Variants in UGT1A4 observed in about 807,000 individuals in gnomAD.
UGT1A4 encodes UDP glucuronosyltransferase family 1 member A4.
A neutral mutation model predicts 41.1 loss-of-function variants in UGT1A4; 32 were observed. The observed-to-expected ratio is 0.78, with a 90% confidence interval of 0.59 to 1.05. The LOEUF (loss-of-function observed/expected upper bound fraction) is 1.05. UGT1A4 is among the 50% of genes least tolerant of loss of function. The pLI, the probability that UGT1A4 is intolerant of heterozygous loss-of-function variation, is 0.00. For missense variants in UGT1A4, 748 were observed against 677.4 expected (o/e 1.10, Z -1.16); for synonymous variants, 283 against 265.1 (o/e 1.07, Z -0.66).
At position 233,747,626 on chromosome 2, in the gene UGT1A4, C is replaced by G. The variant is rs546895525; in HGVS notation, c.868-19408C>G. 8.9e-6 allele frequency: 14 copies of G among 1,577,506 alleles called. No homozygotes were observed. The African/African-American group carries it at 1.8e-4, about 20-fold the overall frequency. ...AGCTACTGCATAATGAGGCCCTGAT[C>G]AGGCACCTGAATGCTACTTCCTTCG... On this transcript the variant is annotated intron_variant, in intron 1 of 4. Coordinates refer to ENST00000373409, the MANE Select transcript of UGT1A4 (RefSeq NM_007120.3).
At chr2:233,765,664 CA>C (rs970582402) in intron 1 of UGT1A4, among the ~76,000 whole-genome samples, 2 of 151,540 alleles carry the variant, frequency 1.3e-5, no homozygotes, top group African/African-American at 4.9e-5. Context: ...AGCAAACCAC[CA>C]TGGCATATGT....
At chr2:233,725,447 T>A (rs2077449709) in intron 1 of UGT1A4, among the ~76,000 whole-genome samples, 1 of 152,002 alleles carries the variant, frequency 6.6e-6, no homozygotes, top group Admixed American at 6.5e-5. Context: ...GCCACATACA[T>A]AATTTAAACT....
chr2:233,741,996 A>ATACACT (rs904144807), intron 1 of UGT1A4: 1 of 151,922 alleles, frequency 6.6e-6, no homozygotes, highest in African/African-American at 2.4e-5. Flanking sequence ...AATATTACAG[A>ATACACT]TACACTTGGC....
chr2:233,757,265 C>T (rs1416331195), intron 1 of UGT1A4, among the ~76,000 whole-genome samples: 2 of 116,902 alleles, frequency 1.7e-5, no homozygotes, highest in Non-Finnish European at 3.3e-5. Flanking sequence ...AGGTGGCAGC[C>T]GATGCAATGA....
At chr2:233,724,171 C>T (rs1472955249) in intron 1 of UGT1A4, among the ~76,000 whole-genome samples, 39 of 91,410 alleles carry the variant, frequency 4.3e-4, no homozygotes, top group South Asian at 7.8e-4. Context: ...CTGACCCCCC[C>T]ATCTCCCTCC....
chr2:233,761,695 G>T (rs1292253541), intron 1 of UGT1A4, among the ~76,000 whole-genome samples: 1 of 152,240 alleles, frequency 6.6e-6, no homozygotes, highest in East Asian at 1.9e-4. Flanking sequence ...ATACAGAAAG[G>T]TTGTAGGTTT....
Position 233,719,240 on chromosome 2 carries a change from C to A in UGT1A4, c.420C>A (p.His140Gln). The change falls in exon 1 of 5, where the codon CAC becomes CAA. Residue 140 changes from histidine (H) to glutamine (Q), a missense_variant. Transcript: ENST00000373409. ...TGCATAATGAGGCCCTGATCAGGCACCTGAATGCTACTTCCTTTGATGTGG... is the reference window on the plus strand; with the variant it reads ...TGCATAATGAGGCCCTGATCAGGCAACTGAATGCTACTTCCTTTGATGTGG... ...ELLHNEALIR[H>Q]LNATSFDVVL... 8 of 1,614,156 alleles carry A rather than the reference C, an allele frequency of 5.0e-6. No individual in the cohort carries two copies. The highest frequency in any genetic ancestry group is 1.3e-5 in the African/African-American group (1 of 75,024).
At chr2:233,750,930 T>C (rs542704180) in intron 1 of UGT1A4, among the ~76,000 whole-genome samples, 12 of 151,872 alleles carry the variant, frequency 7.9e-5, no homozygotes, top group Non-Finnish European at 1.5e-4. Context: ...AAATGTGAGG[T>C]TGGAGCCCCC....
Position 233,769,475 on chromosome 2 carries a change from G to C in UGT1A4, c.1307+1036G>C. 1.2e-6 allele frequency: 2 copies of C among 1,611,166 alleles called. No individual in the cohort carries two copies. Among genetic ancestry groups the C allele is most frequent in the Non-Finnish European group, 1.7e-6 (2 of 1,178,526 alleles). On this transcript the variant is annotated intron_variant, in intron 4 of 4. Coordinates refer to ENST00000373409, the MANE Select transcript of UGT1A4 (RefSeq NM_007120.3). The surrounding 1 kb of genome is among the most constrained non-coding windows in gnomAD (Gnocchi z 4.4). ...TGTGCATTCATATGCGTGTGTGTGT[G>C]TGTGCGTGTGTTTATGAGAGTGTCC...
At chr2:233,720,432 T>G (rs1054639821) in intron 1 of UGT1A4, among the ~76,000 whole-genome samples, 2 of 151,984 alleles carry the variant, frequency 1.3e-5, no homozygotes, top group Non-Finnish European at 2.9e-5. Flanking sequence ...GATAAGACCG[T>G]GAATCTATAA....
intron 1 of UGT1A4, chr2:233,742,923 T>C (rs1692137211): frequency 5.3e-6 from 1 of 189,486 alleles, no homozygotes; most frequent in Admixed American, 5.4e-5. Context: ...AGTGCTGAAC[T>C]GAACATTCTG....
chr2:233,724,149 C>T (rs1483469829), intron 1 of UGT1A4, among the ~76,000 whole-genome samples: 2 of 117,102 alleles, frequency 1.7e-5, no homozygotes, highest in Non-Finnish European at 3.4e-5. Context: ...GGCGGCTGGC[C>T]GGGTGGGGGG....
intron 1 of UGT1A4, chr2:233,748,181 C>A: frequency 1.3e-6 from 2 of 1,573,702 alleles, no homozygotes; most frequent in Non-Finnish European, 1.7e-6. Flanking sequence ...CTTTCTGGTG[C>A]TTTTATTTCT....
intron 1 of UGT1A4, among the ~76,000 whole-genome samples, chr2:233,733,426 T>C (rs1228976842): frequency 1.3e-5 from 2 of 152,226 alleles, no homozygotes; most frequent in African/African-American, 4.8e-5. Context: ...GCCTACTCAG[T>C]ATGATATTGG....
chr2:233,754,845 G>C, intron 1 of UGT1A4: 5 of 1,344,470 alleles, frequency 3.7e-6, no homozygotes, highest in Non-Finnish European at 5.0e-6. Context: ...ACTGAAGGCA[G>C]AGAAAAGGGG....
chr2:233,723,624 C>T (rs1286064208), intron 1 of UGT1A4, among the ~76,000 whole-genome samples: 6 of 104,762 alleles, frequency 5.7e-5, no homozygotes, highest in Admixed American at 2.0e-4. Context: ...GGAAGGTCAG[C>T]AGATAAACAA....
At position 233,719,157 on chromosome 2, in the gene UGT1A4, A is replaced by G. The variant is rs757422133; in HGVS notation, c.337A>G (p.Ser113Gly). 5.0e-6 allele frequency: 8 copies of G among 1,614,264 alleles called. No individual in the cohort carries two copies. The highest frequency in any genetic ancestry group is 1.7e-5 in the Admixed American group (1 of 60,032). The stretch of plus-strand genomic sequence containing the variant: ...ACATCTTCTGAAGAGATATTCTAGA[A>G]GTATGGCAATTATGAACAATGTATC... Reference protein sequence around the residue: ...TEHLLKRYSRSMAIMNNVSLA... With the variant: ...TEHLLKRYSRGMAIMNNVSLA... The change falls in exon 1 of 5, where the codon AGT (serine) becomes GGT (glycine). Residue 113 changes from serine to glycine, a missense_variant. Ser to Gly is a moderately conservative substitution (Grantham distance 56, BLOSUM62 0). Transcript: ENST00000373409.
At chr2:233,725,539 A>G (rs980471563) in intron 1 of UGT1A4, among the ~76,000 whole-genome samples, 6 of 152,146 alleles carry the variant, frequency 3.9e-5, no homozygotes, top group African/African-American at 1.4e-4. Context: ...CAGACATATC[A>G]CAAATATTAT....
At chr2:233,733,439 G>T (rs1332999216) in intron 1 of UGT1A4, among the ~76,000 whole-genome samples, 5 of 152,168 alleles carry the variant, frequency 3.3e-5, no homozygotes, top group Non-Finnish European at 7.3e-5. Context: ...GATATTGGCT[G>T]CGGGTTTGTC....
Sources: allele counts gnomAD v4.1 joint callset (sites outside exome capture counted in the v4.1 genomes callset), GRCh38; gene constraint gnomAD v4.1.1; non-coding constraint Gnocchi (gnomAD v3.1); transcripts MANE v1.5; gene names NCBI Gene and HGNC (gene_info 2026-07-23, HGNC 2026-07-21).